The following NPAS3 variants were observed in gnomAD, a reference collection of about 807,000 sequenced individuals.
NPAS3 encodes the protein neuronal PAS domain-containing protein 3.
In NPAS3, 14 loss-of-function variants were observed where a neutral mutation model predicts 73.1. That is an observed-to-expected ratio of 0.19 (90% CI 0.13 to 0.30). The LOEUF is 0.30. Among genes scored for constraint, NPAS3 ranks in the 10% least tolerant of loss-of-function variants. The pLI is 1.00. For synonymous variants in NPAS3, 620 were observed against 541.5 expected, an observed-to-expected ratio of 1.14 and a Z score of -2.01; for missense variants, 1,096 against 1,250.0, an observed-to-expected ratio of 0.88 and a Z score of 1.86.
At chr14:33,061,424 A>C (rs1366485307) in intron 2 of NPAS3, among the ~76,000 whole-genome samples, 2 of 152,220 alleles carry the variant, frequency 1.3e-5, no homozygotes, top group Non-Finnish European at 2.9e-5. Context: ...ACAGACATTG[A>C]ACTTTGTAGC....
At chr14:33,529,156 T>C (rs2053930804) in intron 4 of NPAS3, among the ~76,000 whole-genome samples, 2 of 152,140 alleles carry the variant, frequency 1.3e-5, no homozygotes, top group Non-Finnish European at 2.9e-5. Context: ...CATCCTTTTT[T>C]GCTCTGGCCA....
chr14:33,736,164 C>A (rs2061519024), intron 7 of NPAS3, among the ~76,000 whole-genome samples: 1 of 152,214 alleles, frequency 6.6e-6, no homozygotes, highest in African/African-American at 2.4e-5. Flanking sequence ...CCTTCCCCAG[C>A]TTTAGAATTT....
chr14:33,562,380 G>T (rs368328170), intron 5 of NPAS3, among the ~76,000 whole-genome samples: 1 of 151,992 alleles, frequency 6.6e-6, no homozygotes, highest in Admixed American at 6.6e-5. Context: ...CTTATCCAGG[G>T]GCAGACCCTG....
Position 33,556,670 on chromosome 14 carries a change from A to T in NPAS3, c.469-3451A>T, listed in dbSNP as rs4982093. ...ATGCCATAAATGCTTTAATAATTGT[A>T]TGGGAGTGAAGAAGATTTAATCCTG... On this transcript the variant is annotated intron_variant, in intron 4 of 11. Transcript: ENST00000356141. Among the ~76,000 whole-genome samples, 3 of 152,044 alleles carry T rather than the reference A, an allele frequency of 2.0e-5. 1 individual carries two copies. Among genetic ancestry groups the T allele is most frequent in the Non-Finnish European group, 4.4e-5 (3 of 67,990 alleles).
At chr14:33,346,527 CAAAA>C (rs33926266) in intron 3 of NPAS3, among the ~76,000 whole-genome samples, 3 of 70,938 alleles carry the variant, frequency 4.2e-5, no homozygotes, top group East Asian at 9.0e-4. Flanking sequence ...GACCCTGTCT[CAAAA>C]AAAAAAAAAA....
At chr14:33,115,204 G>C (rs564028498) in intron 2 of NPAS3, among the ~76,000 whole-genome samples, 54 of 152,274 alleles carry the variant, frequency 3.5e-4, no homozygotes, top group African/African-American at 1.2e-3. Flanking sequence ...ACTGAAAGAA[G>C]GCTGTTCACT....
intron 4 of NPAS3, among the ~76,000 whole-genome samples, chr14:33,454,201 G>C (rs2049926511): frequency 1.3e-5 from 2 of 152,168 alleles, no homozygotes; most frequent in South Asian, 2.1e-4. Flanking sequence ...GTGCCAGTAA[G>C]TGTATATTAA....
chr14:33,373,330 T>C (rs1179978503), intron 4 of NPAS3, among the ~76,000 whole-genome samples: 1 of 152,062 alleles, frequency 6.6e-6, no homozygotes, highest in Non-Finnish European at 1.5e-5. Context: ...ACCTAGTACA[T>C]GGAAATTGTT....
At chr14:33,326,160 G>A (rs940693369) in intron 3 of NPAS3, among the ~76,000 whole-genome samples, 1 of 152,142 alleles carries the variant, frequency 6.6e-6, no homozygotes, top group Non-Finnish European at 1.5e-5. Context: ...TGGGAAGAGA[G>A]AGTGAGAAAC....
chr14:33,037,434 C>T (rs1174449216), intron 1 of NPAS3, among the ~76,000 whole-genome samples: 1 of 148,530 alleles, frequency 6.7e-6, no homozygotes, highest in Non-Finnish European at 1.5e-5. Flanking sequence ...AGTTTGAGCC[C>T]ATGAGTTTGA....
intron 2 of NPAS3, among the ~76,000 whole-genome samples, chr14:33,117,250 TG>T (rs1355942107): frequency 1.3e-5 from 2 of 151,978 alleles, no homozygotes; most frequent in African/African-American, 2.4e-5. Context: ...TATAATAATC[TG>T]GGGAGGAGGG....
chr14:33,793,795 C>T, intron 9 of NPAS3, 102 bp from the exon 10 acceptor site: 2 of 1,095,568 alleles, frequency 1.8e-6, no homozygotes, highest in Non-Finnish European at 1.3e-6. Flanking sequence ...TGGTGTAGGT[C>T]CTCCCATTTT....
intron 4 of NPAS3, among the ~76,000 whole-genome samples, chr14:33,370,128 T>A (rs1351610441): frequency 6.6e-6 from 1 of 152,104 alleles, no homozygotes; most frequent in African/African-American, 2.4e-5. Flanking sequence ...TTCAAATACT[T>A]TATAAGAACA....
chr14:33,191,991 TAA>T, intron 2 of NPAS3, among the ~76,000 whole-genome samples: 1 of 152,358 alleles, frequency 6.6e-6, no homozygotes, highest in Non-Finnish European at 1.5e-5. Flanking sequence ...TCATGGGATT[TAA>T]AAGTAACTTT....
At chr14:33,773,988 A>G (rs766478138) in intron 7 of NPAS3, among the ~76,000 whole-genome samples, 37 of 152,310 alleles carry the variant, frequency 2.4e-4, no homozygotes, top group Middle Eastern at 3.4e-3. Context: ...GATGTCGTCC[A>G]TTAATAAGGG....
chr14:33,055,953 C>G (rs1595345915), exon 2 of NPAS3: 1 of 810,302 alleles, frequency 1.2e-6, no homozygotes, highest in Non-Finnish European at 2.1e-6. Flanking sequence ...GTAGGAAAAT[C>G]TACAGATATG....
At chr14:33,098,419 A>T (rs1297229531) in intron 2 of NPAS3, among the ~76,000 whole-genome samples, 1 of 152,204 alleles carries the variant, frequency 6.6e-6, no homozygotes, top group Admixed American at 6.5e-5. Context: ...ACAATGGTGA[A>T]TACCATATAT....
intron 4 of NPAS3, among the ~76,000 whole-genome samples, chr14:33,413,458 C>T (rs1047850949): frequency 6.6e-6 from 1 of 152,034 alleles, no homozygotes; most frequent in Admixed American, 6.6e-5. Context: ...TCAGATCTAT[C>T]TTTTGGAGAT....
intron 1 of NPAS3, among the ~76,000 whole-genome samples, chr14:32,985,315 C>A (rs1411469289): frequency 6.6e-6 from 1 of 152,100 alleles, no homozygotes; most frequent in Non-Finnish European, 1.5e-5. Flanking sequence ...TGCAGCTACA[C>A]AATTTAGAGG....
Sources: allele counts gnomAD v4.1 joint callset (sites outside exome capture counted in the v4.1 genomes callset), GRCh38; gene constraint gnomAD v4.1.1; transcripts MANE v1.5; gene names NCBI Gene and HGNC (gene_info 2026-07-23, HGNC 2026-07-21).